Variants in PRDX1 observed in about 807,000 individuals in gnomAD.
PRDX1 encodes peroxiredoxin 1.
Under a neutral mutation model 20.7 loss-of-function variants are expected in PRDX1, and 19 were observed. That is an observed-to-expected ratio of 0.92 (90% CI 0.64 to 1.35). PRDX1 has a LOEUF of 1.35. Among genes scored for constraint, PRDX1 ranks in the 40% most tolerant of loss-of-function variants. The pLI, the probability that PRDX1 is intolerant of heterozygous loss-of-function variation, is 0.00. For missense variants in PRDX1, 226 were observed against 240.0 expected, an observed-to-expected ratio of 0.94 and a Z score of 0.38; for synonymous variants, 89 against 83.9, an observed-to-expected ratio of 1.06 and a Z score of -0.33.
chr1:45,519,630 T>C (rs1303909659), intron 1 of PRDX1, among the ~76,000 whole-genome samples: 2 of 152,208 alleles, frequency 1.3e-5, no homozygotes, highest in Non-Finnish European at 2.9e-5. Flanking sequence ...AGTTTCGCTC[T>C]TGGGGCCCAG....
rs1478615806 is a variant in PRDX1, at chr1:45,515,888, T to C, written c.107-81A>G. ...ATTTTCCTATACAAAAAGAAGCAAG[T>C]TGATGGCTGACACAATAACCACTAA... is the stretch of plus-strand genomic sequence containing the variant. On this transcript the variant is annotated intron_variant, in intron 2 of 5. Coordinates refer to ENST00000319248, the MANE Select transcript of PRDX1 (RefSeq NM_181697.3). 1.5e-5 allele frequency: 20 copies of C among 1,352,176 alleles called. No individual in the cohort carries two copies. In the East Asian group the frequency reaches 2.9e-4, roughly 20 times the overall value. The allele number at this position is 1,352,176 out of a possible 1,614,324, so 83.8% of individuals were successfully genotyped here.
intron 2 of PRDX1, among the ~76,000 whole-genome samples, chr1:45,517,817 A>ATATATACGTGACCCAAACAAACTG (rs1557614809): frequency 3.9e-5 from 2 of 51,802 alleles, no homozygotes; most frequent in South Asian, 7.1e-4. Flanking sequence ...ATGACAACAG[A>ATATATACGTGACCCAAACAAACTG]AAGGAGAGTT....
intron 2 of PRDX1, among the ~76,000 whole-genome samples, chr1:45,518,636 T>A (rs1643881550): frequency 1.3e-5 from 2 of 152,080 alleles, no homozygotes; most frequent in African/African-American, 4.8e-5. Context: ...GGTGACAGAA[T>A]GAGACCCTGT....
chr1:45,521,036 A>G (rs1264606514), intron 1 of PRDX1, among the ~76,000 whole-genome samples: 9 of 152,252 alleles, frequency 5.9e-5, no homozygotes, highest in Admixed American at 4.6e-4. Flanking sequence ...CTGTTTTTTA[A>G]AAAGTCCTTA....
intron 3 of PRDX1, 33 bp downstream of exon 3, chr1:45,515,621 A>AAAAAAAAAAAAAAAAAAAT (rs1643846456): frequency 7.0e-7 from 1 of 1,419,570 alleles, no homozygotes; most frequent in Non-Finnish European, 9.4e-7. Flanking sequence ...AAAAAAAAAA[A>AAAAAAAAAAAAAAAAAAAT]AGTTCACATG....
In PRDX1 at chr1:45,511,266, A is replaced by G; in HGVS notation, c.*63T>C. The G allele has an allele frequency of 7.4e-7, 1 of 1,350,834 alleles. No individual in the cohort carries two copies. Among genetic ancestry groups the G allele is most frequent in the Admixed American group, 2.3e-5 (1 of 42,754 alleles). The allele number at this position is 1,350,834 out of a possible 1,614,324, so 83.7% of individuals were successfully genotyped here. A position where few individuals can be genotyped will look rare whatever the true frequency, so the allele number is the denominator to read the frequency against. On this transcript the variant is annotated 3_prime_UTR_variant, in exon 6 of 6. Transcript: ENST00000319248. The stretch of plus-strand genomic sequence containing the variant: ...TGTGTTTTACTAATGGAAAAAAAAA[A>G]TACAGAAGAGGTTTTGTTCTCATGG...
In PRDX1 at chr1:45,515,816, A is replaced by G. The variant is rs199654232; in HGVS notation, c.107-9T>C. 5.2e-6 allele frequency: 8 copies of G among 1,547,294 alleles called. No individual in the cohort carries two copies. Among genetic ancestry groups the G allele is most frequent in the South Asian group, 5.0e-5 (4 of 80,734 alleles). ...GAACACAACATATTTTCCTGGGGGG[A>G]AAATCGGAGTCATGGTTAGCATTTG... On this transcript the variant is annotated splice_polypyrimidine_tract_variant and intron_variant, in intron 2 of 5. Coordinates refer to ENST00000319248, the MANE Select transcript of PRDX1 (RefSeq NM_181697.3).
chr1:45,522,068 C>G (rs779800914), upstream of PRDX1: 6 of 152,366 alleles, frequency 3.9e-5, no homozygotes, highest in East Asian at 1.9e-4. Flanking sequence ...ACTAATACCC[C>G]ACCCTGTTGC....
At chr1:45,515,904 T>C in intron 2 of PRDX1, 97 bp from the exon 3 acceptor site, 1 of 1,201,974 alleles carries the variant, frequency 8.3e-7, no homozygotes, top group South Asian at 1.7e-5. Flanking sequence ...GCTGACACAA[T>C]AACCACTAAC....
intron 2 of PRDX1, 64 bp from the exon 3 acceptor site, chr1:45,515,871 A>G (rs912525963): frequency 3.5e-6 from 5 of 1,438,660 alleles, no homozygotes; most frequent in African/African-American, 3.0e-5. Context: ...ATATTTTCCT[A>G]TACAAAAAGA....
intron 1 of PRDX1, among the ~76,000 whole-genome samples, chr1:45,519,261 T>C (rs563105500): frequency 5.9e-5 from 9 of 152,372 alleles, no homozygotes; most frequent in African/African-American, 1.9e-4. Context: ...AACAAGTCTC[T>C]GAATCTCAGC....
At position 45,514,606 on chromosome 1, in the gene PRDX1, G is replaced by A. The variant is rs1286064670; in HGVS notation, c.415C>T (p.Leu139Phe). 1.2e-6 allele frequency: 2 copies of A among 1,613,676 alleles called. No individual in the cohort carries two copies. The highest frequency in any genetic ancestry group is 1.7e-6 in the Non-Finnish European group (2 of 1,179,608). ...GLFIIDDKGILRQITVNDLPV... is the reference protein window; with the variant it reads ...GLFIIDDKGIFRQITVNDLPV... ...AGGTCATTTACAGTGATCTGCCGAA[G>A]AATACCCTTATCATCAATGATAAAA... The change falls in exon 5 of 6, where the codon CTT (leucine) becomes TTT (phenylalanine). Residue 139 changes from leucine to phenylalanine, a missense_variant. Leu to Phe is a conservative substitution (Grantham distance 22). Coordinates refer to ENST00000319248, the MANE Select transcript of PRDX1 (RefSeq NM_181697.3).
At chr1:45,519,451 G>T (rs1271449698) in intron 1 of PRDX1, among the ~76,000 whole-genome samples, 1 of 152,134 alleles carries the variant, frequency 6.6e-6, no homozygotes, top group African/African-American at 2.4e-5. Flanking sequence ...CTTTTGTTTG[G>T]CTCCCCAAAA....
intron 2 of PRDX1, among the ~76,000 whole-genome samples, chr1:45,517,489 A>G (rs1643871578): frequency 6.6e-6 from 1 of 152,176 alleles, no homozygotes; most frequent in African/African-American, 2.4e-5. Context: ...GCATGAAACT[A>G]TGACAACAGA....
chr1:45,515,415 C>T lies in PRDX1; in HGVS notation c.260+239G>A, dbSNP rs34613718. Among the ~76,000 whole-genome samples the T allele has an allele frequency of 4.9e-4, 74 of 151,864 alleles. 1 individual carries two copies. In the East Asian group the frequency reaches 0.01, roughly 21 times the overall value. ...GAGATCAAGAACATCCTGACTAACA[C>T]GGTGAAACACCGTCTCTACTGAAAA... On this transcript the variant is annotated intron_variant, in intron 3 of 5. Coordinates refer to ENST00000319248, the MANE Select transcript of PRDX1 (RefSeq NM_181697.3).
In PRDX1 at chr1:45,514,954, T is replaced by C. The variant is rs201400424; in HGVS notation, c.302A>G (p.Asn101Ser). 298 of 1,614,114 alleles carry C rather than the reference T, an allele frequency of 1.8e-4. No individual in the cohort carries two copies. The highest frequency in any genetic ancestry group is 2.4e-4 in the Non-Finnish European group (289 of 1,180,036). ...PKKQGGLGPM[N>S]IPLVSDPKRT... is the part of the protein sequence containing the mutation. ...CTTCGGGTCTGATACCAAAGGAATGTTCATGGGTCCCAGTCCTCCTTGTTT... is the reference window on the plus strand; with the variant it reads ...CTTCGGGTCTGATACCAAAGGAATGCTCATGGGTCCCAGTCCTCCTTGTTT... Residue 101 changes from asparagine (N) to serine (S), a missense_variant, in exon 4 of 6, where the codon AAC becomes AGC. Transcript: ENST00000319248.
intron 2 of PRDX1, among the ~76,000 whole-genome samples, chr1:45,516,328 C>G (rs1643862369): frequency 6.6e-6 from 1 of 152,182 alleles, no homozygotes; most frequent in South Asian, 2.1e-4. Flanking sequence ...CCTGACAGGA[C>G]AGGAAAAATT....
intron 5 of PRDX1, among the ~76,000 whole-genome samples, chr1:45,513,566 G>T (rs6664869): frequency 0.73 from 111,545 of 152,034 alleles, 41,360 homozygotes; most frequent in East Asian, 0.92. Context: ...GAAGTAGACA[G>T]AGGAGACTCC....
Position 45,514,511 on chromosome 1 carries a change from C to T in PRDX1, c.510G>A (p.Gly170=). The T allele has an allele frequency of 6.2e-7, 1 of 1,614,142 alleles. No individual in the cohort carries two copies. ...VQAFQFTDKH[G]EVCPAGWKPG... is the part of the protein sequence containing the mutation. ...GTTATCAGACAGATGGCTTACCTTCCCCATGTTTGTCAGTGAACTGGAAGG... is the reference window on the plus strand; with the variant it reads ...GTTATCAGACAGATGGCTTACCTTCTCCATGTTTGTCAGTGAACTGGAAGG... Residue 170 remains glycine, a synonymous_variant, in exon 5 of 6, where the codon GGG becomes GGA. Transcript: ENST00000319248.
Sources: gnomAD v4.1 joint callset for allele counts (sites outside exome capture counted in the v4.1 genomes callset) on GRCh38, gnomAD v4.1.1 for gene constraint, MANE v1.5 for transcripts, NCBI Gene and HGNC (gene_info 2026-07-23, HGNC 2026-07-21) for gene names.